The following ITGAL variants were observed in gnomAD, a reference collection of about 807,000 sequenced individuals.
The protein encoded by ITGAL is integrin alpha-L.
In ITGAL, 68 loss-of-function variants were observed where a neutral mutation model predicts 138.4. The ratio of observed to expected loss-of-function variants is 0.49; its 90% confidence interval spans 0.40 to 0.60. The LOEUF is 0.60. Among genes scored for constraint, ITGAL ranks in the 20% least tolerant of loss-of-function variants. The probability of loss-of-function intolerance (pLI) is 0.00; values close to 1 mark genes in which losing one functional copy is unlikely to be tolerated. For missense variants in ITGAL, 1,256 were observed against 1,478.6 expected (o/e 0.85, Z 2.47); for synonymous variants, 561 against 584.3 (o/e 0.96, Z 0.57).
At chr16:30,489,474 GT>G in intron 11 of ITGAL, 88 bp downstream of exon 11, 6 of 1,315,952 alleles carry the variant, frequency 4.6e-6, no homozygotes, top group Non-Finnish European at 6.5e-6. Flanking sequence ...AATGAAAGCA[GT>G]TAAGCAACCA....
chr16:30,479,130 A>G lies in ITGAL; in HGVS notation c.367A>G (p.Thr123Ala), dbSNP rs761364172. The G allele has an allele frequency of 6.2e-7, 1 of 1,614,102 alleles. No individual in the cohort carries two copies. The part of the protein sequence containing the change: ...PGLSRTCDQN[T>A]YLSGLCYLFR... The stretch of plus-strand genomic sequence containing the variant: ...GCTGTCTCGAACGTGTGACCAGAAC[A>G]CCTATCTGAGTGGCCTGTGTTACCT... The change falls in exon 5 of 31, where the codon ACC becomes GCC. Residue 123 changes from threonine (T) to alanine (A), a missense_variant. Coordinates refer to ENST00000356798, the MANE Select transcript of ITGAL (RefSeq NM_002209.3).
At chr16:30,520,593 C>T (rs923505549) in intron 30 of ITGAL, among the ~76,000 whole-genome samples, 2 of 152,220 alleles carry the variant, frequency 1.3e-5, no homozygotes, top group Non-Finnish European at 2.9e-5. Context: ...CACAGAGGCA[C>T]ATGCCACAAA....
intron 4 of ITGAL, among the ~76,000 whole-genome samples, chr16:30,475,896 C>T (rs951803104): frequency 2.6e-5 from 4 of 151,784 alleles, no homozygotes; most frequent in African/African-American, 9.7e-5. Context: ...GGACTATAGG[C>T]GCATGCTACC....
intron 9 of ITGAL, among the ~76,000 whole-genome samples, chr16:30,487,266 A>G (rs773239338): frequency 7.3e-5 from 11 of 151,236 alleles, no homozygotes; most frequent in Non-Finnish European, 1.6e-4. Context: ...ATGAGCCACT[A>G]CGCCCGGCCG....
At chr16:30,513,271 G>A (rs2051116252) in intron 24 of ITGAL, among the ~76,000 whole-genome samples, 1 of 152,206 alleles carries the variant, frequency 6.6e-6, no homozygotes, top group African/African-American at 2.4e-5. Flanking sequence ...CCAAGGGCAG[G>A]TGTGTGCAGG....
At chr16:30,484,890 C>T (rs1163113430) in intron 9 of ITGAL, among the ~76,000 whole-genome samples, 1 of 151,912 alleles carries the variant, frequency 6.6e-6, no homozygotes, top group Non-Finnish European at 1.5e-5. Context: ...TGCACTCCAG[C>T]CTGGGCAACA....
In ITGAL at chr16:30,494,947, C is replaced by T. The variant is rs750554822; in HGVS notation, c.1503+97C>T. 3.0e-5 allele frequency: 41 copies of T among 1,380,114 alleles called. No homozygotes were observed. Among genetic ancestry groups the T allele is most frequent in the Non-Finnish European group, 3.8e-5 (39 of 1,023,730 alleles). The allele number at this position is 1,380,114 out of a possible 1,614,324, so 85.5% of individuals were successfully genotyped here. A position where few individuals can be genotyped will look rare whatever the true frequency, so the allele number is the denominator to read the frequency against. ...AGGCTTTCTCTGTCTGGTCACGTGG[C>T]GATCAAACTTTTAGAACGACAGAGA... On this transcript the variant is annotated intron_variant, in intron 13 of 30. Transcript: ENST00000356798. This position sits in a 1 kb window ranked among gnomAD's most constrained non-coding sequence, Gnocchi z 4.2.
At chr16:30,496,930 C>T (rs1363736228) in intron 15 of ITGAL, among the ~76,000 whole-genome samples, 1 of 152,104 alleles carries the variant, frequency 6.6e-6, no homozygotes, top group Admixed American at 6.6e-5. Flanking sequence ...CAGGCAGGAG[C>T]CACTATGCAT....
intron 15 of ITGAL, among the ~76,000 whole-genome samples, chr16:30,498,309 G>A (rs1221505724): frequency 3.3e-5 from 5 of 150,110 alleles, no homozygotes; most frequent in East Asian, 3.9e-4. Flanking sequence ...GCTCACTCCC[G>A]TAATCCCAGC....
chr16:30,513,930 C>A, intron 25 of ITGAL, 84 bp downstream of exon 25: 2 of 992,478 alleles, frequency 2.0e-6, no homozygotes, highest in Non-Finnish European at 3.2e-6. Flanking sequence ...ACCAAGTAGA[C>A]ACAGTACTCA....
chr16:30,514,469 G>A (rs2051137588), intron 25 of ITGAL, among the ~76,000 whole-genome samples: 1 of 152,110 alleles, frequency 6.6e-6, no homozygotes, highest in Non-Finnish European at 1.5e-5. Context: ...TAGAGATGGG[G>A]TTTTACCATG....
intron 29 of ITGAL, 110 bp from the exon 30 acceptor site, chr16:30,519,747 A>G: frequency 2.7e-6 from 2 of 746,300 alleles, no homozygotes; most frequent in South Asian, 3.0e-5. Context: ...TGGAGACTCC[A>G]GGCGGGTGAT....
rs575175912 is a variant in ITGAL, at chr16:30,494,549, C to T, written c.1366-164C>T. Among the ~76,000 whole-genome samples, 1 of 152,146 alleles carries T rather than the reference C, an allele frequency of 6.6e-6. No homozygotes were observed. The highest frequency in any genetic ancestry group is 1.5e-5 in the Non-Finnish European group (1 of 68,032). ...TCCCTCTCTAGTTTAAGAAACTGAA[C>T]CTCAAAGAGCCCACCTTGTCTTAAC... is the stretch of plus-strand genomic sequence containing the variant. On this transcript the variant is annotated intron_variant, in intron 12 of 30. Transcript: ENST00000356798. The surrounding 1 kb of genome is among the most constrained non-coding windows in gnomAD (Gnocchi z 4.2).
In ITGAL at chr16:30,483,967, C is replaced by T. The variant is rs1444212268; in HGVS notation, c.855+8C>T. On this transcript the variant is annotated splice_region_variant and intron_variant, in intron 8 of 30. Coordinates refer to ENST00000356798, the MANE Select transcript of ITGAL (RefSeq NM_002209.3). ...ATCCGCTACATCATCGGGGTAGGGC[C>T]CCTGCTGCTTCCTGCATCATATCTT... The T allele has an allele frequency of 1.2e-6, 2 of 1,608,854 alleles. No individual in the cohort carries two copies. Among genetic ancestry groups the T allele is most frequent in the Non-Finnish European group, 1.7e-6 (2 of 1,175,846 alleles).
intron 17 of ITGAL, among the ~76,000 whole-genome samples, chr16:30,502,497 AGCACTTTGG>A (rs2050918339): frequency 6.6e-6 from 1 of 151,638 alleles, no homozygotes; most frequent in South Asian, 2.1e-4. Context: ...CAGTAATCCC[AGCACTTTGG>A]GAGACTGAGG....
intron 29 of ITGAL, among the ~76,000 whole-genome samples, chr16:30,519,210 G>A (rs570600683): frequency 5.2e-4 from 79 of 152,184 alleles, no homozygotes; most frequent in Non-Finnish European, 7.1e-4. Context: ...GCGACAGAGT[G>A]AGACTTCATC....
chr16:30,501,106 A>G (rs148174182), intron 17 of ITGAL, among the ~76,000 whole-genome samples: 1,555 of 152,214 alleles, frequency 0.01, 25 homozygotes, highest in African/African-American at 0.035. Context: ...TTGGCCTCCA[A>G]AAGTGCTGGG....
chr16:30,479,366 T>A lies in ITGAL; in HGVS notation c.481T>A (p.Phe161Ile). ...IKGNVDLVFL[F>I]DGSMSLQPDE... The stretch of plus-strand genomic sequence containing the variant: ...GGGCAACGTAGACCTGGTATTTCTG[T>A]TTGATGGTTCGATGAGCTTGCAGCC... Residue 161 changes from phenylalanine to isoleucine, a missense_variant, in exon 6 of 31, where the codon TTT becomes ATT. Physicochemically the swap from Phe to Ile is conservative, Grantham distance 21. Coordinates refer to ENST00000356798, the MANE Select transcript of ITGAL (RefSeq NM_002209.3). 1 of 1,614,124 alleles carries A rather than the reference T, an allele frequency of 6.2e-7. No homozygotes were observed. The highest frequency in any genetic ancestry group is 8.5e-7 in the Non-Finnish European group (1 of 1,180,022).
chr16:30,484,261 AG>A lies in ITGAL; in HGVS notation c.1006+1del. 6.2e-7 allele frequency: 1 copy of A among 1,612,618 alleles called. No individual in the cohort carries two copies. Among genetic ancestry groups the A allele is most frequent in the Non-Finnish European group, 8.5e-7 (1 of 1,178,856 alleles). Reference protein sequence around the residue: ...TELQKKIYVIEGTSKQDLTSF... With the variant: ...TELQKKIYVIXGTSKQDLTSF... ...CTGCAGAAGAAGATCTATGTCATTGAGGGTGAGTGGCAGGCCCTGGGAGAGG... is the reference window on the plus strand; with the variant it reads ...CTGCAGAAGAAGATCTATGTCATTGAGGTGAGTGGCAGGCCCTGGGAGAGG... On this transcript the variant is annotated frameshift_variant and splice_region_variant, in exon 9 of 31. Coordinates refer to ENST00000356798, the MANE Select transcript of ITGAL (RefSeq NM_002209.3). LOFTEE classifies it high-confidence loss of function.
Sources: gnomAD v4.1 joint callset for allele counts (sites outside exome capture counted in the v4.1 genomes callset) on GRCh38, gnomAD v4.1.1 for gene constraint, Gnocchi (gnomAD v3.1) non-coding constraint, MANE v1.5 for transcripts, NCBI Gene and HGNC (gene_info 2026-07-23, HGNC 2026-07-21) for gene names.